The following C14orf39 variants were observed in gnomAD, a reference collection of about 807,000 sequenced individuals.
The protein encoded by C14orf39 is chromosome 14 open reading frame 39.
A neutral mutation model predicts 85.6 loss-of-function variants in C14orf39; 66 were observed. That is an observed-to-expected ratio of 0.77 (90% CI 0.63 to 0.95). The LOEUF (loss-of-function observed/expected upper bound fraction) is 0.95, where lower values mean the gene tolerates loss of function less well. Ranked by LOEUF, C14orf39 falls within the 40% of genes least tolerant of loss-of-function variation. The pLI, the probability that C14orf39 is intolerant of heterozygous loss-of-function variation, is 0.00. For missense variants in C14orf39, 735 were observed against 663.9 expected (o/e 1.11, Z -1.18); for synonymous variants, 242 against 214.0 (o/e 1.13, Z -1.14).
At chr14:60,453,249 T>C (rs1180288420) in intron 16 of C14orf39, among the ~76,000 whole-genome samples, 1 of 152,102 alleles carries the variant, frequency 6.6e-6, no homozygotes, top group Non-Finnish European at 1.5e-5. Context: ...TATTAGGCTT[T>C]ACACATTTGT....
chr14:60,461,710 C>A, intron 11 of C14orf39, 117 bp from the exon 12 acceptor site: 3 of 551,114 alleles, frequency 5.4e-6, no homozygotes. Flanking sequence ...CCATCATTAC[C>A]ATCATTATCA....
intron 16 of C14orf39, among the ~76,000 whole-genome samples, chr14:60,442,514 C>G (rs939000544): frequency 6.6e-6 from 1 of 152,098 alleles, no homozygotes; most frequent in Non-Finnish European, 1.5e-5. Context: ...TGCCAAAAGT[C>G]TATTTTATCA....
At chr14:60,507,402 G>C (rs1893219219) in intron 1 of C14orf39, among the ~76,000 whole-genome samples, 1 of 152,162 alleles carries the variant, frequency 6.6e-6, no homozygotes, top group Non-Finnish European at 1.5e-5. Context: ...TGATTCGGAA[G>C]TCGCTCCAAG....
chr14:60,456,801 G>A (rs1489675492), intron 15 of C14orf39, 116 bp downstream of exon 15: 28 of 863,362 alleles, frequency 3.2e-5, no homozygotes, highest in Non-Finnish European at 4.6e-5. Flanking sequence ...TTGCATGTCT[G>A]AAATACTACA....
intron 11 of C14orf39, 79 bp downstream of exon 11, chr14:60,465,900 G>T (rs895805586): frequency 2.3e-5 from 14 of 607,072 alleles, no homozygotes; most frequent in African/African-American, 3.8e-5. Context: ...ACACGTCTGT[G>T]TCTTAAGGGC....
chr14:60,473,427 T>C (rs1892202003), intron 5 of C14orf39, among the ~76,000 whole-genome samples: 1 of 152,210 alleles, frequency 6.6e-6, no homozygotes, highest in Non-Finnish European at 1.5e-5. Flanking sequence ...CAATTGTCAA[T>C]TTTGGCTTTT....
chr14:60,476,712 T>A (rs372795493), intron 5 of C14orf39, among the ~76,000 whole-genome samples: 2 of 152,142 alleles, frequency 1.3e-5, no homozygotes, highest in African/African-American at 2.4e-5. Context: ...ATGACTTACA[T>A]TGACAGATGC....
At chr14:60,478,463 A>G in intron 4 of C14orf39, 74 bp from the exon 5 acceptor site, 1 of 727,814 alleles carries the variant, frequency 1.4e-6, no homozygotes, top group South Asian at 2.6e-5. Context: ...AAAAAAAAGA[A>G]CATAATTATT....
At chr14:60,453,932 T>C (rs1489864540) in intron 16 of C14orf39, among the ~76,000 whole-genome samples, 1 of 151,952 alleles carries the variant, frequency 6.6e-6, no homozygotes, top group Non-Finnish European at 1.5e-5. Flanking sequence ...ATTAACTTTT[T>C]TCAGTAGTTT....
intron 16 of C14orf39, among the ~76,000 whole-genome samples, chr14:60,442,437 G>C (rs1208810010): frequency 6.6e-6 from 1 of 151,974 alleles, no homozygotes; most frequent in African/African-American, 2.4e-5. Context: ...CAGGTTGTTG[G>C]TATTTTTTTT....
Position 60,458,747 on chromosome 14 carries a change from C to A in C14orf39, c.1118-8G>T. 6.3e-7 allele frequency: 1 copy of A among 1,580,268 alleles called. No homozygotes were observed. The highest frequency in any genetic ancestry group is 1.2e-5 in the South Asian group (1 of 86,266). The stretch of plus-strand genomic sequence containing the variant: ...TATCTCCATACTCAGCATCTGTTGT[C>A]ATATGAGAACAAACTATTTTTCTTT... On this transcript the variant is annotated splice_polypyrimidine_tract_variant and splice_region_variant and intron_variant, in intron 13 of 17. Transcript: ENST00000321731.
intron 1 of C14orf39, among the ~76,000 whole-genome samples, chr14:60,503,511 A>C (rs575193835): frequency 1.3e-5 from 2 of 152,198 alleles, no homozygotes; most frequent in East Asian, 3.8e-4. Flanking sequence ...TACAAGTTTG[A>C]GTCTATGTTT....
chr14:60,497,207 T>C (rs1421533480), intron 2 of C14orf39, among the ~76,000 whole-genome samples: 1 of 152,196 alleles, frequency 6.6e-6, no homozygotes, highest in Non-Finnish European at 1.5e-5. Context: ...ATAACCTCCT[T>C]CTCATTCTTC....
At chr14:60,485,259 C>T (rs1416918426) in intron 1 of C14orf39, among the ~76,000 whole-genome samples, 173 bp from the exon 2 acceptor site, 2 of 152,212 alleles carry the variant, frequency 1.3e-5, no homozygotes, top group African/African-American at 4.8e-5. Flanking sequence ...AGCCCCTTCC[C>T]GGGCCAAGCC....
intron 16 of C14orf39, among the ~76,000 whole-genome samples, chr14:60,451,322 A>T (rs1891024616): frequency 6.6e-6 from 1 of 152,206 alleles, no homozygotes; most frequent in Admixed American, 6.5e-5. Context: ...CATTTGACCC[A>T]GCAATCCCAT....
intron 1 of C14orf39, among the ~76,000 whole-genome samples, chr14:60,485,328 G>A (rs1176757093): frequency 6.6e-6 from 1 of 152,184 alleles, no homozygotes; most frequent in Admixed American, 6.5e-5. Flanking sequence ...TTTGGGGATG[G>A]GGTGGGAAGC....
At chr14:60,509,614 T>G (rs201846510) in intron 1 of C14orf39, 1 of 1,613,582 alleles carries the variant, frequency 6.2e-7, no homozygotes, top group Non-Finnish European at 8.5e-7. Context: ...AGCTCTATCA[T>G]ATCCTGGAAA....
At chr14:60,437,692 T>C (rs1466000893) in intron 17 of C14orf39, among the ~76,000 whole-genome samples, 2 of 151,998 alleles carry the variant, frequency 1.3e-5, no homozygotes, top group Non-Finnish European at 2.9e-5. Context: ...TGACCTTAGG[T>C]ACAATCATAG....
chr14:60,466,582 G>A (rs1277771206), intron 10 of C14orf39, among the ~76,000 whole-genome samples: 3 of 151,842 alleles, frequency 2.0e-5, no homozygotes, highest in Non-Finnish European at 4.4e-5. Flanking sequence ...ATTAGCATAA[G>A]TCTTTTACCT....
Sources: gnomAD v4.1 joint callset for allele counts (sites outside exome capture counted in the v4.1 genomes callset) on GRCh38, gnomAD v4.1.1 for gene constraint, MANE v1.5 for transcripts, NCBI Gene and HGNC (gene_info 2026-07-23, HGNC 2026-07-21) for gene names.